Variants in ZBTB5 observed in about 807,000 individuals in gnomAD.
ZBTB5 encodes zinc finger and BTB domain containing 5.
In ZBTB5, 15 loss-of-function variants were observed where a neutral mutation model predicts 37.9. The observed-to-expected ratio is 0.40, with a 90% CI of 0.26 to 0.61. The LOEUF (loss-of-function observed/expected upper bound fraction) is 0.61. Ranked by LOEUF, ZBTB5 falls within the 20% of genes least tolerant of loss-of-function variation. The pLI is 0.47. For missense variants in ZBTB5, 708 were observed against 856.8 expected (o/e 0.83, Z 2.17); for synonymous variants, 315 against 312.4 (o/e 1.01, Z -0.09).
chr9:37,463,683 C>T (rs1824335692), intron 1 of ZBTB5, among the ~76,000 whole-genome samples: 1 of 152,244 alleles, frequency 6.6e-6, no homozygotes, highest in African/African-American at 2.4e-5. Context: ...GCTCCTAAGT[C>T]TGTAAGATGC....
chr9:37,440,549 T>A lies in ZBTB5; in HGVS notation c.2003A>T (p.Gln668Leu). The change falls in exon 2 of 2, where the codon CAG (glutamine) becomes CTG (leucine). Residue 668 changes from glutamine to leucine, a missense_variant. Around this residue, in one of 3 missense-constraint regions of ZBTB5, gnomAD observed 42 missense variants for 107.9 expected, o/e 0.39. Transcript: ENST00000307750. ...KHSKTTCLRW[Q>L]SSNLPSTLL ...CAAAGTGCTGGGAAGATTGCTGCTC[T>A]GCCAGCGCAGGCAGGTAGTCTTTGA... 1 of 1,614,252 alleles carries A rather than the reference T, an allele frequency of 6.2e-7. No individual in the cohort carries two copies. Among genetic ancestry groups the A allele is most frequent in the East Asian group, 2.2e-5 (1 of 44,894 alleles).
Position 37,442,334 on chromosome 9 carries a change from G to A in ZBTB5, c.218C>T (p.Thr73Ile), listed in dbSNP as rs1216441006. 1 of 1,614,170 alleles carries A rather than the reference G, an allele frequency of 6.2e-7. No individual in the cohort carries two copies. Residue 73 changes from threonine to isoleucine, a missense_variant, in exon 2 of 2, where the codon ACA becomes ATA. Around this residue, in one of 3 missense-constraint regions of ZBTB5, gnomAD observed 639 missense variants for 690.5 expected, o/e 0.93. Coordinates refer to ENST00000307750, the MANE Select transcript of ZBTB5 (RefSeq NM_014872.3). ...AATCAGTGCAGCAAAGGCCTCTGCT[G>A]TCACCACCTCGCTATCCAGCTGGAT... is the stretch of plus-strand genomic sequence containing the variant. ...NMIQLDSEVV[T>I]AEAFAALIDM...
rs542421049 is a variant in ZBTB5, at chr9:37,452,626, G to A, written c.-4-10071C>T. 2.2e-4 allele frequency among the ~76,000 whole-genome samples: 34 copies of A among 152,322 alleles called. No homozygotes were observed. The East Asian group carries it at 4.4e-3, about 20-fold the overall frequency. ...AAATGGGAGTAAGGAGCAGGAGAAG[G>A]AAGCAGCAGCCAAGTAAAGGTATAA... On this transcript the variant is annotated intron_variant, in intron 1 of 1. Transcript: ENST00000307750.
chr9:37,454,002 A>G (rs1248674968), intron 1 of ZBTB5, among the ~76,000 whole-genome samples: 1 of 152,182 alleles, frequency 6.6e-6, no homozygotes, highest in African/African-American at 2.4e-5. Context: ...GCACCACCCT[A>G]GGACTTGTTT....
rs1823902628 is a variant in ZBTB5 at position 37,442,379 on chromosome 9, CCTT to C, written c.170_172del (p.Glu57del). On this transcript the variant is annotated inframe_deletion, in exon 2 of 2. Transcript: ENST00000307750. ...CTGGATCATGTTCATGGTCTGATCT[CCTT>C]CTGCCACTGAGAACAGGGCTCGGAA... 6.2e-7 allele frequency: 1 copy of C among 1,614,064 alleles called. No homozygotes were observed. Among genetic ancestry groups the C allele is most frequent in the Non-Finnish European group, 8.5e-7 (1 of 1,179,912 alleles).
intron 1 of ZBTB5, among the ~76,000 whole-genome samples, chr9:37,450,071 C>T (rs532644643): frequency 6.6e-6 from 1 of 152,228 alleles, no homozygotes; most frequent in African/African-American, 2.4e-5. Flanking sequence ...GTGGGCCCTA[C>T]GTAAATCAGA....
chr9:37,455,986 C>T (rs1450282324), intron 1 of ZBTB5, among the ~76,000 whole-genome samples: 2 of 151,084 alleles, frequency 1.3e-5, no homozygotes, highest in African/African-American at 4.9e-5. Flanking sequence ...ATCTCACTCT[C>T]TCACTCAGGC....
chr9:37,442,621 TATG>T, intron 1 of ZBTB5, 66 bp from the exon 2 acceptor site: 1 of 1,339,948 alleles, frequency 7.5e-7, no homozygotes. Flanking sequence ...ACACAAAGGG[TATG>T]ATGAAAAGAG....
intron 1 of ZBTB5, among the ~76,000 whole-genome samples, chr9:37,455,291 C>T (rs1214645283): frequency 2.0e-5 from 3 of 152,148 alleles, no homozygotes; most frequent in East Asian, 3.9e-4. Context: ...ACAGGACAGC[C>T]GAACTCCAGG....
chr9:37,464,013 G>C (rs998101032), intron 1 of ZBTB5, among the ~76,000 whole-genome samples: 6 of 152,170 alleles, frequency 3.9e-5, no homozygotes, highest in African/African-American at 1.4e-4. Context: ...AGAGTGAACG[G>C]TTTCCTTTGG....
intron 1 of ZBTB5, among the ~76,000 whole-genome samples, chr9:37,455,553 C>T: frequency 6.6e-6 from 1 of 152,194 alleles, no homozygotes; most frequent in South Asian, 2.1e-4. Flanking sequence ...TGCAGGCACC[C>T]ACCCCTAGAT....
chr9:37,441,131 G>A lies in ZBTB5; in HGVS notation c.1421C>T (p.Ala474Val). The change falls in exon 2 of 2, where the codon GCA (alanine) becomes GTA (valine). Residue 474 changes from alanine to valine, a missense_variant. By Grantham distance (64) the Ala-to-Val change is moderately conservative. Coordinates refer to ENST00000307750, the MANE Select transcript of ZBTB5 (RefSeq NM_014872.3). ...SHVENPFSEPADSHFVRPMQE... is the reference protein window; with the variant it reads ...SHVENPFSEPVDSHFVRPMQE... ...CATAGGCCTGACGAAGTGGGAGTCT[G>A]CAGGTTCACTAAATGGGTTCTCTAC... The A allele has an allele frequency of 6.2e-7, 1 of 1,614,042 alleles. No homozygotes were observed. Among genetic ancestry groups the A allele is most frequent in the Non-Finnish European group, 8.5e-7 (1 of 1,179,992 alleles).
chr9:37,444,204 TG>T (rs1823935192), intron 1 of ZBTB5, among the ~76,000 whole-genome samples: 1 of 152,214 alleles, frequency 6.6e-6, no homozygotes, highest in South Asian at 2.1e-4. Flanking sequence ...AATGGTTTTT[TG>T]TTTTGTTTTT....
chr9:37,441,755 G>T lies in ZBTB5; in HGVS notation c.797C>A (p.Thr266Asn). Residue 266 changes from threonine (T) to asparagine (N), a missense_variant, in exon 2 of 2, where the codon ACT becomes AAT. Physicochemically the swap from Thr to Asn is moderately conservative, Grantham distance 65. Transcript: ENST00000307750. ...SAIMFDQSFG[T>N]QEDAQVPSQS... Reference sequence around the variant, plus strand: ...GCTGGGCACCTGGGCATCTTCTTGAGTGCCAAAAGACTGATCAAACATGAT... The same window carrying T: ...GCTGGGCACCTGGGCATCTTCTTGATTGCCAAAAGACTGATCAAACATGAT... The T allele has an allele frequency of 6.2e-7, 1 of 1,614,042 alleles. No individual in the cohort carries two copies. Among genetic ancestry groups the T allele is most frequent in the Non-Finnish European group, 8.5e-7 (1 of 1,180,012 alleles).
At chr9:37,462,754 G>A (rs988752927) in intron 1 of ZBTB5, among the ~76,000 whole-genome samples, 1 of 152,022 alleles carries the variant, frequency 6.6e-6, no homozygotes, top group African/African-American at 2.4e-5. Context: ...AGTAGAGACA[G>A]GGTTTCACCA....
rs151008644 is a variant in ZBTB5 at position 37,440,375 on chromosome 9, A to G, written c.*143T>C. 4 of 658,618 alleles carry G rather than the reference A, an allele frequency of 6.1e-6. No homozygotes were observed. Among genetic ancestry groups the G allele is most frequent in the East Asian group, 5.5e-5 (2 of 36,636 alleles). The allele number at this position is 658,618 out of a possible 1,614,324, so 40.8% of individuals were successfully genotyped here. A position where few individuals can be genotyped will look rare whatever the true frequency, so the allele number is the denominator to read the frequency against. On this transcript the variant is annotated 3_prime_UTR_variant, in exon 2 of 2. Transcript: ENST00000307750. ...AGAAATGCAGCAGCACAAATACTAC[A>G]TGTTAGTTCTCCGGTTATTAGTTGC...
At position 37,441,896 on chromosome 9, in the gene ZBTB5, G is replaced by C. The variant is rs1823887115; in HGVS notation, c.656C>G (p.Pro219Arg). The change falls in exon 2 of 2, where the codon CCG becomes CGG. Residue 219 changes from proline (P) to arginine (R), a missense_variant. Physicochemically the swap from Pro to Arg is moderately radical, Grantham distance 103. Around this residue, in one of 3 missense-constraint regions of ZBTB5, gnomAD observed 639 missense variants for 690.5 expected, o/e 0.93. Transcript: ENST00000307750. The stretch of plus-strand genomic sequence containing the variant: ...ATGAACCCCTGAAGGCCCATTCTCC[G>C]GTGTAACATCTGAAATGGCAGACTC... ...IDESAISDVTPENGPSGVHSR... is the reference protein window; with the variant it reads ...IDESAISDVTRENGPSGVHSR... 6.2e-7 allele frequency: 1 copy of C among 1,614,148 alleles called. No individual in the cohort carries two copies. Among genetic ancestry groups the C allele is most frequent in the Non-Finnish European group, 8.5e-7 (1 of 1,180,028 alleles).
At chr9:37,455,905 A>G (rs1461881310) in intron 1 of ZBTB5, among the ~76,000 whole-genome samples, 2 of 151,952 alleles carry the variant, frequency 1.3e-5, no homozygotes, top group African/African-American at 4.8e-5. Context: ...TCCAGCGCTC[A>G]AGCAATCCTC....
Position 37,438,570 on chromosome 9 carries a change from A to G in ZBTB5, c.*1948T>C, listed in dbSNP as rs1439688008. ...GGTAAGCGGGCAGGCTCCTGGCACC[A>G]CCTCCTCCAAATGGAAGGGAAGGAG... On this transcript the variant is annotated 3_prime_UTR_variant, in exon 2 of 2. Coordinates refer to ENST00000307750, the MANE Select transcript of ZBTB5 (RefSeq NM_014872.3). 6.6e-6 allele frequency: 1 copy of G among 151,998 alleles called. No homozygotes were observed. The highest frequency in any genetic ancestry group is 1.5e-5 in the Non-Finnish European group (1 of 68,002). 9.4% of individuals were successfully genotyped at this position (151,998 alleles called of 1,614,324 possible).
Sources: allele counts gnomAD v4.1 joint callset (sites outside exome capture counted in the v4.1 genomes callset), GRCh38; gene constraint gnomAD v4.1.1; regional missense constraint gnomAD v4.1.1; transcripts MANE v1.5; gene names NCBI Gene and HGNC (gene_info 2026-07-23, HGNC 2026-07-21).